SUSD4: variants seen among roughly 807,000 people sequenced by gnomAD.
SUSD4 encodes the protein sushi domain-containing protein 4.
SUSD4 carries 41 observed loss-of-function variants against 50.5 expected under a neutral mutation model. The ratio of observed to expected loss-of-function variants is 0.81; its 90% CI spans 0.63 to 1.05. SUSD4 has a LOEUF of 1.05. Ranked by LOEUF, SUSD4 falls within the 50% of genes least tolerant of loss-of-function variation. SUSD4 has a pLI of 0.00. For synonymous variants in SUSD4, 257 were observed against 257.3 expected, an observed-to-expected ratio of 1.00 and a Z score of 0.01; for missense variants, 580 against 634.7, an observed-to-expected ratio of 0.91 and a Z score of 0.93.
chr1:223,234,949 C>T (rs762330211), intron 5 of SUSD4: 31 of 1,574,814 alleles, frequency 2.0e-5, no homozygotes, highest in Non-Finnish European at 2.6e-5. Flanking sequence ...AGGAGAACAA[C>T]ATTTAGAACA....
intron 5 of SUSD4, among the ~76,000 whole-genome samples, chr1:223,242,612 G>A (rs1402954664): frequency 1.3e-5 from 2 of 152,234 alleles, no homozygotes; most frequent in Admixed American, 6.5e-5. Context: ...GGAGGCAGAT[G>A]AGTCAGGGTT....
chr1:223,327,317 G>T (rs61838229), intron 2 of SUSD4, among the ~76,000 whole-genome samples: 27,676 of 152,082 alleles, frequency 0.18, 3,056 homozygotes, highest in Non-Finnish European at 0.26. Flanking sequence ...AATGGACTTT[G>T]GAGACTCAGA....
At chr1:223,309,554 T>C (rs961001253) in intron 2 of SUSD4, among the ~76,000 whole-genome samples, 2 of 152,194 alleles carry the variant, frequency 1.3e-5, no homozygotes, top group Admixed American at 1.3e-4. Context: ...AGGGGCAACC[T>C]GAGCCCTCTC....
At chr1:223,299,902 C>A (rs2103175437) in intron 2 of SUSD4, among the ~76,000 whole-genome samples, 1 of 152,300 alleles carries the variant, frequency 6.6e-6, no homozygotes, top group South Asian at 2.1e-4. Flanking sequence ...ATACTACTGG[C>A]TCTCCTGGGT....
chr1:223,310,167 CA>C, intron 2 of SUSD4, among the ~76,000 whole-genome samples: 1 of 152,306 alleles, frequency 6.6e-6, no homozygotes, highest in African/African-American at 2.4e-5. Context: ...TTTAACCAGA[CA>C]GAGAGGTCAG....
intron 3 of SUSD4, among the ~76,000 whole-genome samples, chr1:223,272,599 G>T (rs1662993661): frequency 6.6e-6 from 1 of 152,140 alleles, no homozygotes; most frequent in Non-Finnish European, 1.5e-5. Flanking sequence ...ACTTGAAAAT[G>T]AATCCAATTC....
chr1:223,235,202 T>C, intron 5 of SUSD4: 1 of 1,272,820 alleles, frequency 7.9e-7, no homozygotes. Context: ...ATAAAGACTT[T>C]ATTTTTAAGA....
At position 223,229,397 on chromosome 1, in the gene SUSD4, G is replaced by A; in HGVS notation, c.725-9C>T. On this transcript the variant is annotated splice_polypyrimidine_tract_variant and intron_variant, in intron 5 of 8. Transcript: ENST00000366878. The surrounding 1 kb of genome is among the most constrained non-coding windows in gnomAD (Gnocchi z 4.7). ...TGGAGGTAGTGGACAGACTTGGGCA[G>A]TAGGGGAGAATAAAAGTTTCAGAAC... 6.4e-7 allele frequency: 1 copy of A among 1,573,900 alleles called. No individual in the cohort carries two copies. Among genetic ancestry groups the A allele is most frequent in the Non-Finnish European group, 8.7e-7 (1 of 1,149,796 alleles).
At chr1:223,264,277 G>A (rs1662323381) in intron 5 of SUSD4, 5 of 1,008,496 alleles carry the variant, frequency 5.0e-6, no homozygotes, top group East Asian at 9.8e-5. Context: ...ACAATAAAAC[G>A]AGGGGTAAGA....
intron 3 of SUSD4, among the ~76,000 whole-genome samples, chr1:223,276,005 G>A (rs538871361): frequency 6.6e-6 from 1 of 152,230 alleles, no homozygotes; most frequent in Non-Finnish European, 1.5e-5. Flanking sequence ...AGGACTCACA[G>A]GATGCTGCCT....
At chr1:223,274,415 C>A (rs1213518713) in intron 3 of SUSD4, among the ~76,000 whole-genome samples, 1 of 152,154 alleles carries the variant, frequency 6.6e-6, no homozygotes, top group Non-Finnish European at 1.5e-5. Flanking sequence ...CAGGTTGTTT[C>A]TTTCATATTT....
intron 2 of SUSD4, among the ~76,000 whole-genome samples, chr1:223,308,635 C>A (rs1378196678): frequency 2.0e-5 from 3 of 152,122 alleles, no homozygotes; most frequent in Non-Finnish European, 4.4e-5. Context: ...GGATAAAAAT[C>A]TTAGAATTTA....
intron 3 of SUSD4, among the ~76,000 whole-genome samples, chr1:223,290,417 T>G (rs1664414376): frequency 6.6e-6 from 1 of 152,192 alleles, no homozygotes. Flanking sequence ...ATACAGATCT[T>G]TCAAAGACCA....
intron 2 of SUSD4, among the ~76,000 whole-genome samples, chr1:223,323,811 G>A (rs1265304629): frequency 6.6e-6 from 1 of 152,084 alleles, no homozygotes; most frequent in Non-Finnish European, 1.5e-5. Flanking sequence ...GGACATCGAG[G>A]CTTCCTCTAC....
intron 2 of SUSD4, among the ~76,000 whole-genome samples, chr1:223,362,428 T>A (rs918807582): frequency 6.6e-6 from 1 of 152,198 alleles, no homozygotes; most frequent in Non-Finnish European, 1.5e-5. Flanking sequence ...ACGTTTGCAA[T>A]GGACAGGAAT....
chr1:223,278,157 T>C (rs1663414604), intron 3 of SUSD4, among the ~76,000 whole-genome samples: 1 of 152,102 alleles, frequency 6.6e-6, no homozygotes, highest in Admixed American at 6.5e-5. Flanking sequence ...AGACAGAAGA[T>C]TTCTGCATTT....
chr1:223,301,796 C>A (rs1665215443), intron 2 of SUSD4, among the ~76,000 whole-genome samples: 1 of 152,186 alleles, frequency 6.6e-6, no homozygotes, highest in South Asian at 2.1e-4. Flanking sequence ...AGGATACGAA[C>A]TAAAATGAAC....
intron 2 of SUSD4, among the ~76,000 whole-genome samples, chr1:223,326,929 T>G (rs1162173054): frequency 1.3e-5 from 2 of 152,180 alleles, no homozygotes; most frequent in African/African-American, 4.8e-5. Context: ...TGGAAAACAG[T>G]ATGGAGATTC....
chr1:223,353,830 G>A (rs183027773), intron 2 of SUSD4, among the ~76,000 whole-genome samples: 78 of 152,120 alleles, frequency 5.1e-4, no homozygotes, highest in African/African-American at 1.8e-3. Flanking sequence ...CCTAGGAAGG[G>A]AGACACCCAA....
Sources: gnomAD v4.1 joint callset for allele counts (sites outside exome capture counted in the v4.1 genomes callset) on GRCh38, gnomAD v4.1.1 for gene constraint, Gnocchi (gnomAD v3.1) non-coding constraint, MANE v1.5 for transcripts, NCBI Gene and HGNC (gene_info 2026-07-23, HGNC 2026-07-21) for gene names.